The following PTPRD variants were observed in gnomAD, a reference collection of about 807,000 sequenced individuals.
The protein encoded by PTPRD is receptor-type tyrosine-protein phosphatase delta.
In PTPRD, 34 loss-of-function variants were observed where a neutral mutation model predicts 214.5. The observed-to-expected ratio is 0.16, with a 90% CI of 0.12 to 0.21. The LOEUF (loss-of-function observed/expected upper bound fraction) is 0.21. PTPRD is among the 10% of genes least tolerant of loss of function. The probability of loss-of-function intolerance (pLI) is 1.00; values close to 1 mark genes in which losing one functional copy is unlikely to be tolerated. For synonymous variants in PTPRD, 1,128 were observed against 845.7 expected (o/e 1.33, Z -5.79); for missense variants, 2,545 against 2,398.7 (o/e 1.06, Z -1.27).
intron 11 of PTPRD, among the ~76,000 whole-genome samples, chr9:8,767,306 T>A (rs1404558101): frequency 1.3e-5 from 2 of 151,942 alleles, no homozygotes; most frequent in Non-Finnish European, 2.9e-5. Flanking sequence ...TTAGTAGAGA[T>A]GGGGTTCACC....
chr9:9,758,533 G>C (rs979276515), intron 6 of PTPRD, among the ~76,000 whole-genome samples: 5 of 152,110 alleles, frequency 3.3e-5, no homozygotes, highest in Non-Finnish European at 7.3e-5. Flanking sequence ...GTGAGTTCCA[G>C]GTTCTCAGAA....
chr9:9,962,946 C>G (rs566014150), intron 4 of PTPRD, among the ~76,000 whole-genome samples: 3 of 151,858 alleles, frequency 2.0e-5, no homozygotes, highest in Non-Finnish European at 4.4e-5. Context: ...TAATGGGAGT[C>G]TGCTGTGGCC....
At chr9:10,034,642 T>G (rs1406340721) in intron 3 of PTPRD, among the ~76,000 whole-genome samples, 2 of 152,090 alleles carry the variant, frequency 1.3e-5, no homozygotes, top group African/African-American at 4.8e-5. Context: ...GTTCTCACCA[T>G]TTAGCTCCCA....
At chr9:10,257,362 G>A (rs1184557952) in intron 3 of PTPRD, among the ~76,000 whole-genome samples, 1 of 152,108 alleles carries the variant, frequency 6.6e-6, no homozygotes, top group Non-Finnish European at 1.5e-5. Flanking sequence ...AGGAGGTACT[G>A]GTAGAGAAAG....
At chr9:8,423,812 A>G (rs1190435856) in intron 35 of PTPRD, among the ~76,000 whole-genome samples, 2 of 152,040 alleles carry the variant, frequency 1.3e-5, no homozygotes, top group Non-Finnish European at 1.5e-5. Context: ...AATCCCATCA[A>G]CCATCTGCTT....
At chr9:8,321,121 C>G (rs1358102685) in intron 44 of PTPRD, among the ~76,000 whole-genome samples, 2 of 151,996 alleles carry the variant, frequency 1.3e-5, no homozygotes, top group African/African-American at 2.4e-5. Context: ...GGCAGTGAAA[C>G]CTTCTGTTAA....
At chr9:10,568,775 G>C (rs189613538) in intron 2 of PTPRD, among the ~76,000 whole-genome samples, 83 of 152,176 alleles carry the variant, frequency 5.5e-4, no homozygotes, top group Non-Finnish European at 1.0e-3. Context: ...ATTAATTCAA[G>C]ACGGATTAAA....
At chr9:8,763,968 T>C (rs765389866) in intron 11 of PTPRD, among the ~76,000 whole-genome samples, 2 of 152,236 alleles carry the variant, frequency 1.3e-5, no homozygotes, top group Non-Finnish European at 2.9e-5. Flanking sequence ...TTAATGCTTT[T>C]TAAATATCAG....
At chr9:9,747,670 C>T (rs751886777) in intron 6 of PTPRD, among the ~76,000 whole-genome samples, 3 of 151,876 alleles carry the variant, frequency 2.0e-5, no homozygotes, top group Non-Finnish European at 2.9e-5. Flanking sequence ...CCTCAGCCTC[C>T]TGAGTAGCTG....
At chr9:8,327,836 C>A (rs945337915) in intron 44 of PTPRD, among the ~76,000 whole-genome samples, 1 of 152,140 alleles carries the variant, frequency 6.6e-6, no homozygotes, top group South Asian at 2.1e-4. Flanking sequence ...AGGATTGTAT[C>A]CCCTGCTTTG....
intron 7 of PTPRD, among the ~76,000 whole-genome samples, chr9:9,675,857 A>T (rs527770633): frequency 9.2e-5 from 14 of 152,168 alleles, no homozygotes; most frequent in African/African-American, 2.6e-4. Flanking sequence ...AACAGGCAAA[A>T]ATAGTATGAG....
At chr9:10,507,550 A>G (rs550884654) in intron 2 of PTPRD, among the ~76,000 whole-genome samples, 1 of 152,174 alleles carries the variant, frequency 6.6e-6, no homozygotes, top group African/African-American at 2.4e-5. Context: ...TTCAAACTAT[A>G]CTACAAGACT....
chr9:9,461,407 T>G (rs2093643607), intron 8 of PTPRD, among the ~76,000 whole-genome samples: 1 of 152,088 alleles, frequency 6.6e-6, no homozygotes, highest in Non-Finnish European at 1.5e-5. Context: ...ACTTTTAAAT[T>G]AATGTCCCCA....
intron 10 of PTPRD, among the ~76,000 whole-genome samples, chr9:9,070,737 G>A (rs1341048869): frequency 3.3e-5 from 5 of 152,134 alleles, no homozygotes; most frequent in South Asian, 2.1e-4. Context: ...GCATTGTATG[G>A]AAATCTTAAT....
At chr9:10,129,456 T>TCAAATTG (rs1426824054) in intron 3 of PTPRD, among the ~76,000 whole-genome samples, 1 of 151,920 alleles carries the variant, frequency 6.6e-6, no homozygotes, top group East Asian at 1.9e-4. Flanking sequence ...TCTCTGGATC[T>TCAAATTG]CAAATTGCTT....
chr9:9,881,162 A>G (rs1481038694), intron 5 of PTPRD, among the ~76,000 whole-genome samples: 1 of 152,304 alleles, frequency 6.6e-6, no homozygotes, highest in South Asian at 2.1e-4. Flanking sequence ...TATATTAGAC[A>G]AAATTAGTAG....
chr9:10,055,611 A>G (rs2097619225), intron 3 of PTPRD, among the ~76,000 whole-genome samples: 1 of 152,078 alleles, frequency 6.6e-6, no homozygotes, highest in Non-Finnish European at 1.5e-5. Flanking sequence ...CAATTATCAC[A>G]ATATCTGAGA....
intron 8 of PTPRD, among the ~76,000 whole-genome samples, chr9:9,531,012 T>C (rs887625361): frequency 6.6e-6 from 1 of 152,180 alleles, no homozygotes; most frequent in Admixed American, 6.5e-5. Context: ...TGATATTTTG[T>C]ATATTTCAAA....
chr9:9,178,855 C>T (rs1051821630), intron 10 of PTPRD, among the ~76,000 whole-genome samples: 1 of 152,044 alleles, frequency 6.6e-6, no homozygotes. Context: ...CTTCTTCTGG[C>T]CATACAGTCT....
Sources: allele counts gnomAD v4.1 joint callset (sites outside exome capture counted in the v4.1 genomes callset), GRCh38; gene constraint gnomAD v4.1.1; transcripts MANE v1.5; gene names NCBI Gene and HGNC (gene_info 2026-07-23, HGNC 2026-07-21).